IRAG1: variants seen among roughly 807,000 people sequenced by gnomAD.
IRAG1 encodes the protein IP3R-associated cGMP kinase substrate.
In IRAG1, 62 loss-of-function variants were observed where a neutral mutation model predicts 106.2. The ratio of observed to expected loss-of-function variants is 0.58; its 90% confidence interval spans 0.48 to 0.72. The LOEUF is 0.72. IRAG1 is among the 30% of genes least tolerant of loss of function. IRAG1 has a pLI of 0.00. For synonymous variants in IRAG1, 462 were observed against 443.9 expected (o/e 1.04, Z -0.51); for missense variants, 1,064 against 1,140.7 (o/e 0.93, Z 0.97).
intron 13 of IRAG1, among the ~76,000 whole-genome samples, chr11:10,604,040 C>T (rs745891604): frequency 2.0e-5 from 3 of 152,032 alleles, no homozygotes; most frequent in Non-Finnish European, 4.4e-5. Context: ...AGCTCTGGGC[C>T]CCATCCAGGC....
At chr11:10,633,135 C>T (rs1349596957) in intron 3 of IRAG1, among the ~76,000 whole-genome samples, 22 of 142,858 alleles carry the variant, frequency 1.5e-4, no homozygotes, top group African/African-American at 2.1e-4. Context: ...AGTGCAGTGG[C>T]GCGATCTGGG....
chr11:10,596,385 CCATTGAGAATTGT>C (rs1157642129), intron 15 of IRAG1, among the ~76,000 whole-genome samples: 2 of 152,164 alleles, frequency 1.3e-5, no homozygotes, highest in Non-Finnish European at 2.9e-5. Context: ...TCTATTATTG[CCATTGAGAATTGT>C]CATTCCTTTG....
intron 1 of IRAG1, among the ~76,000 whole-genome samples, chr11:10,672,555 C>T (rs1006756510): frequency 6.6e-6 from 1 of 152,064 alleles, no homozygotes; most frequent in African/African-American, 2.4e-5. Flanking sequence ...TGCCAATGAC[C>T]AATAAGCACA....
chr11:10,595,982 A>G (rs1412800440), intron 15 of IRAG1, among the ~76,000 whole-genome samples: 1 of 152,210 alleles, frequency 6.6e-6, no homozygotes, highest in African/African-American at 2.4e-5. Context: ...TTTGCTAAGG[A>G]TAAGGACCTC....
At chr11:10,631,196 A>AT (rs567961872) in intron 4 of IRAG1, among the ~76,000 whole-genome samples, 3 of 151,704 alleles carry the variant, frequency 2.0e-5, no homozygotes, top group Non-Finnish European at 4.4e-5. Context: ...GCTTTTGTAA[A>AT]TTTTTTTTTG....
Position 10,652,071 on chromosome 11 carries a change from T to C in IRAG1, c.179A>G (p.Glu60Gly). Residue 60 changes from glutamate (E) to glycine (G), a missense_variant, in exon 2 of 21, where the codon GAG (glutamate) becomes GGG (glycine). Glu to Gly is a moderately conservative substitution (Grantham distance 98). Coordinates refer to ENST00000423302, the MANE Select transcript of IRAG1 (RefSeq NM_130385.4). ...EAAMPHIPED[E>G]EPPGEPQAAQ... The stretch of plus-strand genomic sequence containing the variant: ...TGCCTGTGGCTCTCCGGGGGGCTCC[T>C]CGTCCTCGGGAATGTGGGGCATGGC... The C allele has an allele frequency of 1.9e-6, 3 of 1,598,578 alleles. No individual in the cohort carries two copies. Among genetic ancestry groups the C allele is most frequent in the Non-Finnish European group, 2.6e-6 (3 of 1,173,262 alleles).
chr11:10,669,472 A>G (rs1240583192), intron 1 of IRAG1, among the ~76,000 whole-genome samples: 5 of 152,210 alleles, frequency 3.3e-5, no homozygotes, highest in African/African-American at 1.2e-4. Context: ...GCAGTAGCAC[A>G]TTCCCTGTCC....
intron 10 of IRAG1, chr11:10,611,666 G>A (rs1462564726): frequency 1.3e-5 from 2 of 152,134 alleles, no homozygotes; most frequent in Non-Finnish European, 2.9e-5. Flanking sequence ...ACTAGAGAAA[G>A]AATAAAAATT....
intron 9 of IRAG1, among the ~76,000 whole-genome samples, chr11:10,624,335 T>C (rs1259524833): frequency 1.3e-5 from 2 of 152,090 alleles, no homozygotes; most frequent in South Asian, 2.1e-4. Flanking sequence ...GGAGCTGCGA[T>C]TGCCCCACAC....
chr11:10,595,169 C>A (rs1287878428), intron 15 of IRAG1, among the ~76,000 whole-genome samples: 1 of 151,966 alleles, frequency 6.6e-6, no homozygotes, highest in Non-Finnish European at 1.5e-5. Context: ...AAAGTATCTA[C>A]CCGCCTCGGC....
intron 1 of IRAG1, chr11:10,690,259 A>T: frequency 2.2e-6 from 1 of 453,100 alleles, no homozygotes; most frequent in Non-Finnish European, 3.7e-6. Context: ...GCATGGTGGT[A>T]CTCACCTGTA....
At chr11:10,661,586 C>T (rs1859407737) in intron 1 of IRAG1, among the ~76,000 whole-genome samples, 1 of 152,206 alleles carries the variant, frequency 6.6e-6, no homozygotes, top group African/African-American at 2.4e-5. Flanking sequence ...AGGCTGCCTA[C>T]ATTCGTTGGC....
intron 3 of IRAG1, among the ~76,000 whole-genome samples, chr11:10,633,199 C>T (rs35728297): frequency 0.1 from 15,353 of 151,462 alleles, 1,172 homozygotes; most frequent in African/African-American, 0.2. Flanking sequence ...CTCAGCCTCC[C>T]GAGTAGCTGG....
At chr11:10,581,538 G>A (rs1851394322) in intron 19 of IRAG1, among the ~76,000 whole-genome samples, 1 of 152,058 alleles carries the variant, frequency 6.6e-6, no homozygotes, top group Non-Finnish European at 1.5e-5. Context: ...TGACTGCTTT[G>A]AGCACGTGTC....
chr11:10,625,940 T>C (rs1351443674), intron 9 of IRAG1, 26 bp downstream of exon 9: 3 of 1,452,650 alleles, frequency 2.1e-6, no homozygotes, highest in Non-Finnish European at 1.8e-6. Context: ...GTACACACTC[T>C]GCCCAACTGG....
chr11:10,583,309 G>C lies in IRAG1; in HGVS notation c.2241-1323C>G, dbSNP rs536441599. ...ATGAGGAACTCCACACTTGTCTCAGGTGGAAAAGAAGGCATCTTCAGAGAA... is the reference window on the plus strand; with the variant it reads ...ATGAGGAACTCCACACTTGTCTCAGCTGGAAAAGAAGGCATCTTCAGAGAA... On this transcript the variant is annotated intron_variant, in intron 18 of 20. Transcript: ENST00000423302. Among the ~76,000 whole-genome samples the C allele has an allele frequency of 5.3e-5, 8 of 152,312 alleles. 1 individual carries two copies. The South Asian group carries it at 1.7e-3, about 32-fold the overall frequency.
chr11:10,603,214 T>C lies in IRAG1; in HGVS notation c.1781A>G (p.Glu594Gly). ...ASLWHHCEHRETYQKLLEDIA... is the reference protein window; with the variant it reads ...ASLWHHCEHRGTYQKLLEDIA... Reference sequence around the variant, plus strand: ...GTCCTCCAGCAACTTCTGGTAGGTTTCCCGGTGCTCACAGTGGTGCCAGAG... The same window carrying C: ...GTCCTCCAGCAACTTCTGGTAGGTTCCCCGGTGCTCACAGTGGTGCCAGAG... The change falls in exon 14 of 21, where the codon GAA (glutamate) becomes GGA (glycine). Residue 594 changes from glutamate to glycine, a missense_variant. Coordinates refer to ENST00000423302, the MANE Select transcript of IRAG1 (RefSeq NM_130385.4). 1 of 1,613,638 alleles carries C rather than the reference T, an allele frequency of 6.2e-7. No homozygotes were observed.
chr11:10,612,247 C>T (rs1855028318), intron 10 of IRAG1, among the ~76,000 whole-genome samples: 1 of 152,186 alleles, frequency 6.6e-6, no homozygotes, highest in South Asian at 2.1e-4. Flanking sequence ...GACAGCTTGT[C>T]TCTACAATTC....
chr11:10,604,838 C>T (rs1854343629), intron 12 of IRAG1, among the ~76,000 whole-genome samples: 1 of 152,224 alleles, frequency 6.6e-6, no homozygotes, highest in African/African-American at 2.4e-5. Context: ...AAGAAAATAA[C>T]ATCCTGTATC....
Sources: allele counts gnomAD v4.1 joint callset (sites outside exome capture counted in the v4.1 genomes callset), GRCh38; gene constraint gnomAD v4.1.1; transcripts MANE v1.5; gene names NCBI Gene and HGNC (gene_info 2026-07-23, HGNC 2026-07-21).